DOP1A: variants seen among roughly 807,000 people sequenced by gnomAD.
The protein encoded by DOP1A is DOP1 leucine zipper like protein A, also known as protein DOP1A.
A neutral mutation model predicts 267.6 loss-of-function variants in DOP1A; 90 were observed. The ratio of observed to expected loss-of-function variants is 0.34; its 90% CI spans 0.28 to 0.40. The LOEUF is 0.40. Ranked by LOEUF, DOP1A falls within the 10% of genes least tolerant of loss-of-function variation. The pLI, the probability that DOP1A is intolerant of heterozygous loss-of-function variation, is 1.00. For missense variants in DOP1A, 2,437 were observed against 2,900.4 expected (o/e 0.84, Z 3.67); for synonymous variants, 932 against 999.1 (o/e 0.93, Z 1.27).
rs1032731053 is a variant in DOP1A, at chr6:83,118,784, A to T, written c.781-104A>T. The T allele has an allele frequency of 8.4e-6, 7 of 837,112 alleles. No homozygotes were observed. In the African/African-American group the frequency reaches 1.2e-4, roughly 14 times the overall value. The allele number at this position is 837,112 out of a possible 1,614,324, so 51.9% of individuals were successfully genotyped here. On this transcript the variant is annotated intron_variant, in intron 7 of 38. Coordinates refer to ENST00000349129, the MANE Select transcript of DOP1A (RefSeq NM_015018.4). ...TTGAAATAATCCATGAAAGTACTCC[A>T]TACACCCTAATATTCTAAGCATATT... is the stretch of plus-strand genomic sequence containing the variant.
At chr6:83,096,294 C>T (rs2128119099) in intron 1 of DOP1A, among the ~76,000 whole-genome samples, 1 of 151,360 alleles carries the variant, frequency 6.6e-6, no homozygotes, top group East Asian at 1.9e-4. Flanking sequence ...GTTGCCAATG[C>T]TGGTCTTGAA....
chr6:83,148,903 A>G, intron 27 of DOP1A, 40 bp downstream of exon 27: 1 of 1,250,970 alleles, frequency 8.0e-7, no homozygotes, highest in East Asian at 2.8e-5. Flanking sequence ...ATAAAAGGAT[A>G]ATGTTAATTG....
At position 83,153,503 on chromosome 6, in the gene DOP1A, T is replaced by C. The variant is rs188349286; in HGVS notation, c.6130-8T>C. The stretch of plus-strand genomic sequence containing the variant: ...ATATGTTACTCTTCATTTTTTATGT[T>C]TTCATAGGTTTTGGCTCATCTTTTG... On this transcript the variant is annotated splice_region_variant and splice_polypyrimidine_tract_variant and intron_variant, in intron 30 of 38. Coordinates refer to ENST00000349129, the MANE Select transcript of DOP1A (RefSeq NM_015018.4). 1,386 of 1,573,140 alleles carry C rather than the reference T, an allele frequency of 8.8e-4. 4 individuals are homozygous for C. The highest frequency in any genetic ancestry group is 1.1e-3 in the South Asian group (93 of 84,818).
chr6:83,113,818 C>A (rs1266664453), intron 7 of DOP1A, among the ~76,000 whole-genome samples: 1 of 152,110 alleles, frequency 6.6e-6, no homozygotes, highest in Non-Finnish European at 1.5e-5. Flanking sequence ...AACTTAAGAG[C>A]CACATGTTTA....
In DOP1A at chr6:83,151,626, T is replaced by G; in HGVS notation, c.5871T>G (p.Ser1957Arg). 1 of 1,609,266 alleles carries G rather than the reference T, an allele frequency of 6.2e-7. No homozygotes were observed. The highest frequency in any genetic ancestry group is 8.5e-7 in the Non-Finnish European group (1 of 1,178,578). ...VLNEFIMKNPSLENKKDQRDL... is the reference protein window; with the variant it reads ...VLNEFIMKNPRLENKKDQRDL... ...ATGAGTTTATTATGAAAAACCCTAG[T>G]TTGGAAAATAAAAAAGACCAAAGAG... The change falls in exon 28 of 39, where the codon AGT becomes AGG. Residue 1957 changes from serine to arginine, a missense_variant. Ser to Arg is a moderately radical substitution (Grantham distance 110). Transcript: ENST00000349129.
intron 18 of DOP1A, 84 bp downstream of exon 18, chr6:83,132,412 G>C: frequency 7.2e-7 from 1 of 1,380,808 alleles, no homozygotes; most frequent in African/African-American, 1.4e-5. Context: ...AAAACTTTAG[G>C]GAAATTATTG....
rs1332376904 is a variant in DOP1A at position 83,110,304 on chromosome 6, T to C, written c.671T>C (p.Ile224Thr). The change falls in exon 6 of 39, where the codon ATT becomes ACT. Residue 224 changes from isoleucine to threonine, a missense_variant. This residue lies in a region of DOP1A where 251 missense variants were observed against 359.1 expected (regional missense o/e 0.70). Coordinates refer to ENST00000349129, the MANE Select transcript of DOP1A (RefSeq NM_015018.4). ...CAACTTTATATAATTGGCAGTGATA[T>C]TGAGCTAATGGTAGGTCTAAAAATA... is the stretch of plus-strand genomic sequence containing the variant. ...EDQLYIIGSDIELMVEAVSTS... is the reference protein window; with the variant it reads ...EDQLYIIGSDTELMVEAVSTS... 6.8e-6 allele frequency: 11 copies of C among 1,613,504 alleles called. No homozygotes were observed. The highest frequency in any genetic ancestry group is 8.5e-6 in the Non-Finnish European group (10 of 1,179,790).
chr6:83,087,934 C>G (rs1349189844), intron 1 of DOP1A, among the ~76,000 whole-genome samples: 2 of 152,066 alleles, frequency 1.3e-5, no homozygotes, highest in African/African-American at 4.8e-5. Context: ...TGCAGTGGCG[C>G]GATCTCAGCT....
At chr6:83,159,222 A>G (rs1332113204) in intron 36 of DOP1A, among the ~76,000 whole-genome samples, 8 of 152,178 alleles carry the variant, frequency 5.3e-5, no homozygotes, top group Non-Finnish European at 8.8e-5. Context: ...TGAGTAAAAA[A>G]GTTTCTCGCT....
intron 8 of DOP1A, among the ~76,000 whole-genome samples, chr6:83,119,528 A>G (rs1776018274): frequency 6.6e-6 from 1 of 152,118 alleles, no homozygotes; most frequent in South Asian, 2.1e-4. Context: ...AAATTGGCCA[A>G]AAAATAAAAA....
intron 1 of DOP1A, among the ~76,000 whole-genome samples, chr6:83,078,268 A>T (rs1380797407): frequency 2.6e-5 from 4 of 152,228 alleles, no homozygotes; most frequent in Non-Finnish European, 5.9e-5. Flanking sequence ...AAGAAAATGA[A>T]TATCACAATT....
chr6:83,134,887 A>G (rs940076814), intron 19 of DOP1A, among the ~76,000 whole-genome samples: 13 of 152,230 alleles, frequency 8.5e-5, no homozygotes, highest in South Asian at 2.1e-4. Flanking sequence ...CCATGAATCT[A>G]TGTTCAAGGT....
At chr6:83,146,360 C>G (rs1436124738) in intron 25 of DOP1A, among the ~76,000 whole-genome samples, 2 of 152,154 alleles carry the variant, frequency 1.3e-5, no homozygotes, top group African/African-American at 4.8e-5. Context: ...TGATATATAT[C>G]TGAAAATGTT....
chr6:83,096,088 TAAC>T (rs1441916438), intron 1 of DOP1A, among the ~76,000 whole-genome samples: 1 of 152,106 alleles, frequency 6.6e-6, no homozygotes, highest in African/African-American at 2.4e-5. Context: ...TTCAAAGAAA[TAAC>T]AAAGAATTTG....
chr6:83,128,435 A>G (rs1777527441), intron 15 of DOP1A, among the ~76,000 whole-genome samples: 1 of 152,220 alleles, frequency 6.6e-6, no homozygotes, highest in Non-Finnish European at 1.5e-5. Flanking sequence ...AAAGAAAGTA[A>G]GATTAATAGC....
chr6:83,151,841 C>T, intron 28 of DOP1A, 42 bp from the exon 29 acceptor site: 2 of 1,576,032 alleles, frequency 1.3e-6, no homozygotes, highest in Non-Finnish European at 1.7e-6. Context: ...AACTAGTGTG[C>T]ATGTGTGTAC....
chr6:83,085,368 A>G (rs185178734), intron 1 of DOP1A, among the ~76,000 whole-genome samples: 123 of 152,338 alleles, frequency 8.1e-4, no homozygotes, highest in African/African-American at 2.5e-3. Context: ...CAAGCAAATA[A>G]ATAGGAAAAT....
At chr6:83,092,653 T>C (rs1473091601) in intron 1 of DOP1A, among the ~76,000 whole-genome samples, 1 of 149,256 alleles carries the variant, frequency 6.7e-6, no homozygotes, top group African/African-American at 2.5e-5. Context: ...ATTCTGTTTT[T>C]TTTTCTATAC....
intron 1 of DOP1A, among the ~76,000 whole-genome samples, chr6:83,074,994 C>T (rs911258620): frequency 2.6e-5 from 4 of 152,212 alleles, no homozygotes; most frequent in Non-Finnish European, 5.9e-5. Flanking sequence ...GGCCCTCATC[C>T]ATCCAGTTAC....
Sources: gnomAD v4.1 joint callset for allele counts (sites outside exome capture counted in the v4.1 genomes callset) on GRCh38, gnomAD v4.1.1 for gene constraint, gnomAD v4.1.1 regional missense constraint, MANE v1.5 for transcripts, NCBI Gene and HGNC (gene_info 2026-07-23, HGNC 2026-07-21) for gene names.